GRHL2: variants seen among roughly 807,000 people sequenced by gnomAD.
GRHL2 encodes grainyhead-like protein 2 homolog.
GRHL2 carries 21 observed loss-of-function variants against 83.8 expected under a neutral mutation model. The observed-to-expected ratio is 0.25, with a 90% CI of 0.18 to 0.36. GRHL2 has a LOEUF of 0.36. GRHL2 is among the 10% of genes least tolerant of loss of function. GRHL2 has a pLI of 1.00. For synonymous variants in GRHL2, 280 were observed against 278.9 expected (o/e 1.00, Z -0.04); for missense variants, 623 against 781.8 (o/e 0.80, Z 2.42).
chr8:101,599,775 G>A (rs998549530), intron 8 of GRHL2, among the ~76,000 whole-genome samples: 2 of 152,176 alleles, frequency 1.3e-5, no homozygotes, highest in African/African-American at 4.8e-5. Flanking sequence ...CCATTGCAAC[G>A]GTTTGGATAA....
intron 1 of GRHL2, among the ~76,000 whole-genome samples, chr8:101,531,954 A>C (rs1432882399): frequency 6.6e-6 from 1 of 152,234 alleles, no homozygotes; most frequent in African/African-American, 2.4e-5. Flanking sequence ...AAAACTATGC[A>C]CTTTATGTGG....
intron 11 of GRHL2, among the ~76,000 whole-genome samples, chr8:101,636,580 AG>A (rs1403963023): frequency 6.6e-6 from 1 of 152,210 alleles, no homozygotes; most frequent in African/African-American, 2.4e-5. Context: ...TAATGTCAAA[AG>A]GAAGATTTGG....
chr8:101,599,001 A>G, intron 7 of GRHL2, 56 bp from the exon 8 acceptor site: 1 of 1,178,678 alleles, frequency 8.5e-7, no homozygotes, highest in Non-Finnish European at 1.3e-6. Flanking sequence ...GGTTCAGTAC[A>G]TGTCACTGAG....
At chr8:101,523,926 T>C (rs2130056885) in intron 1 of GRHL2, among the ~76,000 whole-genome samples, 3 of 152,310 alleles carry the variant, frequency 2.0e-5, no homozygotes, top group Admixed American at 2.0e-4. Context: ...CACATACTTA[T>C]TGGTTTAACG....
intron 14 of GRHL2, among the ~76,000 whole-genome samples, chr8:101,661,493 T>TCC (rs1179677215): frequency 1.3e-5 from 2 of 152,208 alleles, no homozygotes; most frequent in East Asian, 3.8e-4. Flanking sequence ...ACACACATCC[T>TCC]CCCATGTACT....
the GRHL2 span, among the ~76,000 whole-genome samples, chr8:101,678,208 G>A: frequency 6.7e-4 from 102 of 152,282 alleles, no homozygotes; most frequent in South Asian, 1.5e-3. Context: ...GGCAGTGGGC[G>A]CAGGTCAGTG....
At chr8:101,523,742 A>C (rs1393536360) in intron 1 of GRHL2, among the ~76,000 whole-genome samples, 4 of 152,000 alleles carry the variant, frequency 2.6e-5, no homozygotes, top group Non-Finnish European at 5.9e-5. Context: ...GCCTCTCAAA[A>C]TGTTAGAATT....
At chr8:101,509,676 G>T (rs183693590) in intron 1 of GRHL2, among the ~76,000 whole-genome samples, 55 of 152,234 alleles carry the variant, frequency 3.6e-4, no homozygotes, top group Non-Finnish European at 6.8e-4. Context: ...CTTGCAGAGA[G>T]GGCATGAACA....
intron 1 of GRHL2, among the ~76,000 whole-genome samples, chr8:101,526,557 T>A (rs1470411306): frequency 1.5e-5 from 2 of 130,200 alleles, no homozygotes. Flanking sequence ...GCTTGAAAGC[T>A]CAAATTTTAC....
intron 1 of GRHL2, among the ~76,000 whole-genome samples, chr8:101,499,622 T>C (rs577471489): frequency 6.6e-6 from 1 of 152,210 alleles, no homozygotes; most frequent in Admixed American, 6.5e-5. Flanking sequence ...TTGCAGCAGA[T>C]GATGTCAACT....
intron 7 of GRHL2, among the ~76,000 whole-genome samples, chr8:101,583,822 A>C (rs1192516987): frequency 6.6e-6 from 1 of 152,264 alleles, no homozygotes; most frequent in Non-Finnish European, 1.5e-5. Flanking sequence ...TTCAACAACC[A>C]ACATTAACTT....
Position 101,558,768 on chromosome 8 carries a change from C to G in GRHL2, c.634C>G (p.Pro212Ala). Residue 212 changes from proline to alanine, a missense_variant, in exon 4 of 16, where the codon CCG becomes GCG. By Grantham distance (27) the Pro-to-Ala change is conservative. Around this residue, in one of 8 missense-constraint regions of GRHL2, gnomAD observed 239 missense variants for 240.5 expected, o/e 0.99. Coordinates refer to ENST00000646743, the MANE Select transcript of GRHL2 (RefSeq NM_024915.4). ...AYLKDDQRST[P>A]DSTYSESFKD... Reference sequence around the variant, plus strand: ...TCTCAAAGACGACCAGCGCAGCACTCCGGACAGCACATACAGCGAGAGCTT... The same window carrying G: ...TCTCAAAGACGACCAGCGCAGCACTGCGGACAGCACATACAGCGAGAGCTT... 2 of 1,614,146 alleles carry G rather than the reference C, an allele frequency of 1.2e-6. No homozygotes were observed. The highest frequency in any genetic ancestry group is 1.6e-4 in the Middle Eastern group (1 of 6,062).
rs557258122 is a variant in GRHL2 at position 101,638,952 on chromosome 8, T to C, written c.1517+2024T>C. On this transcript the variant is annotated intron_variant, in intron 12 of 15. Coordinates refer to ENST00000646743, the MANE Select transcript of GRHL2 (RefSeq NM_024915.4). ...GCTCCTTGATCTCTGGGCTTTGGTT[T>C]CCTTAATTTGACATTGAGCATCTTG... Among the ~76,000 whole-genome samples the C allele has an allele frequency of 9.2e-5, 14 of 152,332 alleles. No homozygotes were observed. In the East Asian group the frequency reaches 2.7e-3, roughly 29 times the overall value.
chr8:101,522,142 A>G lies in GRHL2; in HGVS notation c.21-21099A>G, dbSNP rs149715166. 3.2e-3 allele frequency among the ~76,000 whole-genome samples: 493 copies of G among 152,276 alleles called. 1 individual carries two copies. The highest frequency in any genetic ancestry group is 0.011 in the African/African-American group (472 of 41,552). On this transcript the variant is annotated intron_variant, in intron 1 of 15. Transcript: ENST00000646743. The stretch of plus-strand genomic sequence containing the variant: ...TATTATACTTTAAGTTCTAGGGTAC[A>G]TGGCCCAAGTGTGTGATGTTCCCCT...
chr8:101,552,214 TC>T (rs1245352121), intron 2 of GRHL2, among the ~76,000 whole-genome samples: 2 of 152,040 alleles, frequency 1.3e-5, no homozygotes, highest in Non-Finnish European at 2.9e-5. Flanking sequence ...ACTGGATGCT[TC>T]CCCCAGCTAC....
intron 9 of GRHL2, among the ~76,000 whole-genome samples, chr8:101,626,823 C>T (rs1813090014): frequency 6.6e-6 from 1 of 151,980 alleles, no homozygotes; most frequent in Non-Finnish European, 1.5e-5. Context: ...CACAAAGAAT[C>T]ATAGGAAGAG....
intron 7 of GRHL2, among the ~76,000 whole-genome samples, chr8:101,594,481 G>A (rs747993019): frequency 6.6e-6 from 1 of 152,118 alleles, no homozygotes; most frequent in Non-Finnish European, 1.5e-5. Flanking sequence ...ACTCACCCAA[G>A]GACATTCACC....
At chr8:101,665,560 T>TACTG (rs1385315560) in intron 15 of GRHL2, among the ~76,000 whole-genome samples, 1 of 152,172 alleles carries the variant, frequency 6.6e-6, no homozygotes, top group African/African-American at 2.4e-5. Context: ...CTGGGTGTAT[T>TACTG]ACTGACAGTG....
intron 15 of GRHL2, among the ~76,000 whole-genome samples, chr8:101,665,311 G>A (rs576178410): frequency 5.3e-5 from 8 of 152,218 alleles, no homozygotes; most frequent in Non-Finnish European, 1.2e-4. Flanking sequence ...AGTGCCAGGA[G>A]AGGGTATCTG....
Sources: allele counts gnomAD v4.1 joint callset (sites outside exome capture counted in the v4.1 genomes callset), GRCh38; gene constraint gnomAD v4.1.1; regional missense constraint gnomAD v4.1.1; transcripts MANE v1.5; gene names NCBI Gene and HGNC (gene_info 2026-07-23, HGNC 2026-07-21).